The following FBXW8 variants were observed in gnomAD, a reference collection of about 807,000 sequenced individuals.
FBXW8 encodes the protein F-box and WD repeat domain containing 8.
A neutral mutation model predicts 65.3 loss-of-function variants in FBXW8; 57 were observed. The ratio of observed to expected loss-of-function variants is 0.87; its 90% CI spans 0.71 to 1.09. The LOEUF (loss-of-function observed/expected upper bound fraction) is 1.09, where lower values mean the gene tolerates loss of function less well. Ranked by LOEUF, FBXW8 falls within the 50% of genes least tolerant of loss-of-function variation. The pLI is 0.00. For synonymous variants in FBXW8, 308 were observed against 330.2 expected, an observed-to-expected ratio of 0.93 and a Z score of 0.73; for missense variants, 777 against 814.8, an observed-to-expected ratio of 0.95 and a Z score of 0.57.
intron 4 of FBXW8, among the ~76,000 whole-genome samples, chr12:116,963,322 T>C (rs1458234595): frequency 6.6e-6 from 1 of 152,166 alleles, no homozygotes; most frequent in Non-Finnish European, 1.5e-5. Context: ...AAATTCCACC[T>C]GAGGCCAGCT....
At chr12:116,942,599 C>A (rs1344491501) in intron 2 of FBXW8, among the ~76,000 whole-genome samples, 1 of 151,728 alleles carries the variant, frequency 6.6e-6, no homozygotes, top group East Asian at 1.9e-4. Flanking sequence ...TGGTCTTGAA[C>A]TTCTGACCTC....
At chr12:117,026,960 G>T (rs762319201) in intron 9 of FBXW8, among the ~76,000 whole-genome samples, 1 of 152,174 alleles carries the variant, frequency 6.6e-6, no homozygotes, top group East Asian at 1.9e-4. Flanking sequence ...AGCAGGATGT[G>T]GGGGGCACCT....
rs1168031572 is a variant in FBXW8, at chr12:117,028,168, T to C, written c.1793T>C (p.Val598Ala). The change falls in exon 11 of 11, where the codon GTT becomes GCT. Residue 598 changes from valine to alanine, a missense_variant. Val to Ala is a moderately conservative substitution (Grantham distance 64, BLOSUM62 0). Transcript: ENST00000652555. The surrounding 1 kb of genome is among the most constrained non-coding windows in gnomAD (Gnocchi z 4.1). ...DLALAFPYNH[V>A] is the part of the protein sequence containing the mutation. ...GCACTGGCCTTTCCCTATAACCATG[T>C]TTAGGGATGTGCCTCAGTTGGGAGC... 7 of 1,613,846 alleles carry C rather than the reference T, an allele frequency of 4.3e-6. No homozygotes were observed. Among genetic ancestry groups the C allele is most frequent in the Non-Finnish European group, 5.9e-6 (7 of 1,179,918 alleles).
At chr12:116,996,758 G>C (rs1170354271) in intron 7 of FBXW8, among the ~76,000 whole-genome samples, 1 of 152,076 alleles carries the variant, frequency 6.6e-6, no homozygotes, top group Non-Finnish European at 1.5e-5. Flanking sequence ...ACTCCCAAAG[G>C]GTCCATTGTT....
At chr12:117,012,205 T>C (rs1282351442) in intron 8 of FBXW8, among the ~76,000 whole-genome samples, 1 of 119,036 alleles carries the variant, frequency 8.4e-6, no homozygotes, top group Non-Finnish European at 1.7e-5. Flanking sequence ...AGGTGTTCCA[T>C]GCATAGTGTC....
At chr12:116,926,614 CT>C (rs768466500) in intron 1 of FBXW8, among the ~76,000 whole-genome samples, 4 of 152,266 alleles carry the variant, frequency 2.6e-5, no homozygotes, top group Admixed American at 2.0e-4. Flanking sequence ...GCAAGCACCC[CT>C]GAGCCTTCTA....
At chr12:116,967,567 C>A (rs1884402204) in intron 5 of FBXW8, among the ~76,000 whole-genome samples, 1 of 152,092 alleles carries the variant, frequency 6.6e-6, no homozygotes, top group Non-Finnish European at 1.5e-5. Context: ...ATTTTATTGT[C>A]TTTGTTTGCC....
Position 116,945,452 on chromosome 12 carries a change from T to C in FBXW8, c.512T>C (p.Ile171Thr). 1 of 1,614,158 alleles carries C rather than the reference T, an allele frequency of 6.2e-7. No homozygotes were observed. Among genetic ancestry groups the C allele is most frequent in the Non-Finnish European group, 8.5e-7 (1 of 1,180,026 alleles). ...GAAGGGCACCTTCCGGATAGCAGCA[T>C]CTCTGACTATTCTTGCTGGAAGCTC... ...QQEGHLPDSS[I>T]SDYSCWKLIF... Residue 171 changes from isoleucine to threonine, a missense_variant, in exon 3 of 11, where the codon ATC (isoleucine) becomes ACC (threonine). Coordinates refer to ENST00000652555, the MANE Select transcript of FBXW8 (RefSeq NM_153348.3).
chr12:117,027,399 C>A lies in FBXW8; in HGVS notation c.1547C>A (p.Pro516Gln). 1 of 1,613,910 alleles carries A rather than the reference C, an allele frequency of 6.2e-7. No homozygotes were observed. Among genetic ancestry groups the A allele is most frequent in the Non-Finnish European group, 8.5e-7 (1 of 1,179,958 alleles). Reference sequence around the variant, plus strand: ...TCTCTCCCACTGCCTTCCAGGCACCCGGTGCAGCACATCTCATTCAGCAGC... The same window carrying A: ...TCTCTCCCACTGCCTTCCAGGCACCAGGTGCAGCACATCTCATTCAGCAGC... ...QKLWEVYSGH[P>Q]VQHISFSSHS... Residue 516 changes from proline (P) to glutamine (Q), a missense_variant, in exon 10 of 11, where the codon CCG becomes CAG. By Grantham distance (76) the Pro-to-Gln change is moderately conservative. Transcript: ENST00000652555.
intron 1 of FBXW8, among the ~76,000 whole-genome samples, chr12:116,922,778 A>G (rs112652139): frequency 1.3e-5 from 2 of 152,124 alleles, no homozygotes; most frequent in African/African-American, 4.8e-5. Flanking sequence ...TAAATTAAAT[A>G]AGTAATATGA....
At chr12:117,027,359 C>T (rs751465679) in intron 9 of FBXW8, 35 bp from the exon 10 acceptor site, 25 of 1,548,496 alleles carry the variant, frequency 1.6e-5, no homozygotes, top group Admixed American at 8.4e-5. Context: ...GCCCAGTGGA[C>T]GCCCCCTTAC....
intron 4 of FBXW8, among the ~76,000 whole-genome samples, chr12:116,953,641 C>T (rs1347366790): frequency 1.3e-5 from 2 of 151,636 alleles, no homozygotes; most frequent in African/African-American, 2.4e-5. Flanking sequence ...GGCATGGTGG[C>T]GAGTGCCTGT....
chr12:116,976,522 C>G (rs1884951543), intron 5 of FBXW8, among the ~76,000 whole-genome samples: 1 of 128,812 alleles, frequency 7.8e-6, no homozygotes, highest in African/African-American at 3.0e-5. Context: ...GTGGTATAAT[C>G]TCAGCTCGCT....
At chr12:117,016,714 C>G (rs1953956923) in intron 8 of FBXW8, among the ~76,000 whole-genome samples, 1 of 151,698 alleles carries the variant, frequency 6.6e-6, no homozygotes, top group Non-Finnish European at 1.5e-5. Context: ...CTAACCCAGG[C>G]TCACAAAGAT....
At chr12:116,916,479 A>G (rs528775544) in intron 1 of FBXW8, among the ~76,000 whole-genome samples, 23 of 152,312 alleles carry the variant, frequency 1.5e-4, no homozygotes, top group Middle Eastern at 3.4e-3. Flanking sequence ...GGTAATAACC[A>G]CTGCCCCCAT....
Position 116,985,258 on chromosome 12 carries a change from T to G in FBXW8, c.888T>G (p.Phe296Leu), listed in dbSNP as rs772121005. ...LRTGKYPVHR[F>L]EHDARIQALA... ...CCGGAAAGTACCCTGTTCATCGTTT[T>G]GAGCACGATGCAAGAATACAGGCAC... is the stretch of plus-strand genomic sequence containing the variant. Residue 296 changes from phenylalanine to leucine, a missense_variant, in exon 6 of 11, where the codon TTT becomes TTG. Physicochemically the swap from Phe to Leu is conservative, Grantham distance 22 (BLOSUM62 0). Transcript: ENST00000652555. The G allele has an allele frequency of 6.2e-7, 1 of 1,613,856 alleles. No homozygotes were observed. The highest frequency in any genetic ancestry group is 8.5e-7 in the Non-Finnish European group (1 of 1,179,998).
chr12:116,928,836 A>G (rs1881545736), intron 2 of FBXW8, among the ~76,000 whole-genome samples: 1 of 151,724 alleles, frequency 6.6e-6, no homozygotes, highest in Admixed American at 6.6e-5. Context: ...TTTGAGATGG[A>G]GTTTTGCTCT....
chr12:116,963,935 T>C (rs941063420), intron 4 of FBXW8, among the ~76,000 whole-genome samples: 3 of 152,186 alleles, frequency 2.0e-5, no homozygotes, highest in African/African-American at 7.2e-5. Context: ...CTTAAATACC[T>C]TGGTGATGGG....
At chr12:116,937,990 TAAAG>T (rs140074370) in intron 2 of FBXW8, among the ~76,000 whole-genome samples, 9 of 152,254 alleles carry the variant, frequency 5.9e-5, no homozygotes, top group African/African-American at 2.2e-4. Flanking sequence ...TCTGGTGTAT[TAAAG>T]AAAGACCATT....
Sources: gnomAD v4.1 joint callset for allele counts (sites outside exome capture counted in the v4.1 genomes callset) on GRCh38, gnomAD v4.1.1 for gene constraint, Gnocchi (gnomAD v3.1) non-coding constraint, MANE v1.5 for transcripts, NCBI Gene and HGNC (gene_info 2026-07-23, HGNC 2026-07-21) for gene names.